NKIRAS1: variants seen among roughly 807,000 people sequenced by gnomAD.
The protein encoded by NKIRAS1 is NF-kappa-B inhibitor-interacting Ras-like protein 1.
NKIRAS1 carries 16 observed loss-of-function variants against 19.8 expected under a neutral mutation model. The observed-to-expected ratio is 0.81, with a 90% CI of 0.55 to 1.23. NKIRAS1 has a LOEUF of 1.23. Ranked by LOEUF, NKIRAS1 falls within the 50% of genes most tolerant of loss-of-function variation. The pLI is 0.00. For missense variants in NKIRAS1, 184 were observed against 220.0 expected, an observed-to-expected ratio of 0.84 and a Z score of 1.04; for synonymous variants, 88 against 79.0, an observed-to-expected ratio of 1.11 and a Z score of -0.61.
chr3:23,901,242 G>C (rs890712328), intron 3 of NKIRAS1, among the ~76,000 whole-genome samples, 193 bp from the exon 4 acceptor site: 1 of 148,324 alleles, frequency 6.7e-6, no homozygotes, highest in African/African-American at 2.5e-5. Context: ...GCAGTGGCTC[G>C]ATCTCAGCTC....
At chr3:23,912,837 C>T (rs1000005534) in intron 1 of NKIRAS1, among the ~76,000 whole-genome samples, 5 of 151,946 alleles carry the variant, frequency 3.3e-5, no homozygotes, top group East Asian at 1.9e-4. Flanking sequence ...ATGCCACATA[C>T]GTCGGGCGCG....
At chr3:23,910,739 T>G in intron 3 of NKIRAS1, 72 bp downstream of exon 3, 1 of 1,094,026 alleles carries the variant, frequency 9.1e-7, no homozygotes, top group Admixed American at 1.8e-5. Flanking sequence ...CCACCTTTAG[T>G]TTAGCATGAC....
chr3:23,946,362 C>A (rs1333117749), exon 1 of NKIRAS1: 3 of 930,378 alleles, frequency 3.2e-6, no homozygotes, highest in East Asian at 2.3e-4. Flanking sequence ...CGAGGGCGTG[C>A]TGCAGGCCGG....
At chr3:23,919,895 T>C (rs1325423388), upstream of NKIRAS1, 4 of 994,326 alleles carry the variant, frequency 4.0e-6, no homozygotes, top group Non-Finnish European at 3.6e-6. Context: ...GGCTGCGTTT[T>C]TTTTAGTTTG....
upstream of NKIRAS1, chr3:23,919,093 ACT>A (rs1268431389): frequency 1.6e-5 from 12 of 757,294 alleles, no homozygotes; most frequent in East Asian, 1.2e-4. Context: ...GTAGTAAAAG[ACT>A]CTTGTCTGGT....
At chr3:23,919,332 A>G (rs1198474970), upstream of NKIRAS1, 6 of 1,602,932 alleles carry the variant, frequency 3.7e-6, no homozygotes, top group Admixed American at 3.3e-5. Flanking sequence ...CCTGACACCC[A>G]GTGGATCACC....
Position 23,890,794 on chromosome 3 carries a change from T to C in NKIRAS1, c.*2301A>G, listed in dbSNP as rs1701398348. The stretch of plus-strand genomic sequence containing the variant: ...TTGCTACAGTAGACAGAATTGGTAA[T>C]AGCAACTTTTAAAATTGTCATTAGT... On this transcript the variant is annotated 3_prime_UTR_variant, in exon 5 of 5. Coordinates refer to ENST00000425478, the MANE Select transcript of NKIRAS1 (RefSeq NM_020345.4). The C allele has an allele frequency of 6.5e-6, 3 of 461,704 alleles. No homozygotes were observed. The highest frequency in any genetic ancestry group is 1.1e-4 in the South Asian group (2 of 18,760). The allele number at this position is 461,704 out of a possible 1,614,324, so 28.6% of individuals were successfully genotyped here. A position where few individuals can be genotyped will look rare whatever the true frequency, so the allele number is the denominator to read the frequency against.
intron 1 of NKIRAS1, chr3:23,946,041 G>A: frequency 1.1e-6 from 1 of 941,176 alleles, no homozygotes; most frequent in Non-Finnish European, 1.3e-6. Flanking sequence ...GCGCGCGCGC[G>A]CGCGCTGGCT....
chr3:23,936,082 C>CAAAAAAAAAAAAAAAAAAAAAAAAAAA (rs35945213), intron 1 of NKIRAS1, among the ~76,000 whole-genome samples: 1 of 63,908 alleles, frequency 1.6e-5, no homozygotes. Context: ...GACCCTGTCT[C>CAAAAAAAAAAAAAAAAAAAAAAAAAAA]AAAAAAAAAA....
At chr3:23,903,546 A>C (rs1352443749) in intron 3 of NKIRAS1, among the ~76,000 whole-genome samples, 1 of 152,176 alleles carries the variant, frequency 6.6e-6, no homozygotes, top group Non-Finnish European at 1.5e-5. Context: ...ACAAACAAAC[A>C]AAAAACTACC....
At chr3:23,918,400 T>G (rs1323013218), upstream of NKIRAS1, 3 of 1,603,160 alleles carry the variant, frequency 1.9e-6, no homozygotes, top group Non-Finnish European at 2.6e-6. Context: ...GCCTTACGGC[T>G]TCCTATAAAA....
rs1202017094 is a variant in NKIRAS1, at chr3:23,893,220, T to TA, written c.453dup (p.Thr152TyrfsTer8). On this transcript the variant is annotated frameshift_variant, in exon 5 of 5. Transcript: ENST00000425478. LOFTEE classifies it high-confidence loss of function. Reference sequence around the variant, plus strand: ...GGTTCAATCAGAGTTTTCCGATCTGTAACAGTCACCTCCCACAGTCTTACT... The same window carrying TA: ...GGTTCAATCAGAGTTTTCCGATCTGTAAACAGTCACCTCCCACAGTCTTACT... 6.2e-7 allele frequency: 1 copy of TA among 1,614,166 alleles called. No individual in the cohort carries two copies.
chr3:23,920,216 C>T (rs148622248), upstream of NKIRAS1: 58 of 985,854 alleles, frequency 5.9e-5, no homozygotes, highest in African/African-American at 8.2e-4. Flanking sequence ...CCCTAAAATA[C>T]TTAACCGTAA....
chr3:23,915,583 C>G (rs962305143), intron 1 of NKIRAS1, among the ~76,000 whole-genome samples: 6 of 152,142 alleles, frequency 3.9e-5, no homozygotes, highest in African/African-American at 1.4e-4. Context: ...TTAAAATGTA[C>G]GCCATATGAA....
chr3:23,920,088 A>C, upstream of NKIRAS1: 1 of 985,894 alleles, frequency 1.0e-6, no homozygotes, highest in African/African-American at 1.7e-5. Flanking sequence ...TTGAAGTTGA[A>C]TGTGCGATAA....
At position 23,891,124 on chromosome 3, in the gene NKIRAS1, A is replaced by AT. The variant is rs1272086989; in HGVS notation, c.*1970dup. On this transcript the variant is annotated 3_prime_UTR_variant, in exon 5 of 5. Transcript: ENST00000425478. The stretch of plus-strand genomic sequence containing the variant: ...AGATGAGTAGTGCGTTTTATTTTAT[A>AT]TGCCAATCTACTTTGTTTAAAAAAG... 1 of 152,652 alleles carries AT rather than the reference A, an allele frequency of 6.6e-6. No individual in the cohort carries two copies. Among genetic ancestry groups the AT allele is most frequent in the Admixed American group, 6.5e-5 (1 of 15,282 alleles). 9.5% of individuals were successfully genotyped at this position (152,652 alleles called of 1,614,324 possible). A position where few individuals can be genotyped will look rare whatever the true frequency, so the allele number is the denominator to read the frequency against.
At chr3:23,941,094 C>T (rs577952941) in intron 1 of NKIRAS1, among the ~76,000 whole-genome samples, 1 of 152,316 alleles carries the variant, frequency 6.6e-6, no homozygotes, top group South Asian at 2.1e-4. Context: ...TCATCTAGGG[C>T]ATAGAAAAGG....
chr3:23,927,914 A>T lies in NKIRAS1; in HGVS notation c.-139-16464T>A, dbSNP rs1705236856. 6.6e-6 allele frequency among the ~76,000 whole-genome samples: 1 copy of T among 152,068 alleles called. No individual in the cohort carries two copies. Among genetic ancestry groups the T allele is most frequent in the African/African-American group, 2.4e-5 (1 of 41,382 alleles). The stretch of plus-strand genomic sequence containing the variant: ...GGCAACATGGTGAGATCCTGTCTCT[A>T]CAAAAGATTAAACAATTAGCCTGGT... On this transcript the variant is annotated intron_variant, in intron 1 of 4. Transcript: ENST00000421515. This position sits in a 1 kb window ranked among gnomAD's most constrained non-coding sequence, Gnocchi z 4.0.
intron 4 of NKIRAS1, 106 bp from the exon 5 acceptor site, chr3:23,893,443 A>G (rs1017226422): frequency 7.9e-6 from 7 of 889,648 alleles, no homozygotes; most frequent in Middle Eastern, 2.3e-4. Context: ...AACCTGCTTC[A>G]TTAAACTGAT....
Sources: allele counts gnomAD v4.1 joint callset (sites outside exome capture counted in the v4.1 genomes callset), GRCh38; gene constraint gnomAD v4.1.1; non-coding constraint Gnocchi (gnomAD v3.1); transcripts MANE v1.5; gene names NCBI Gene and HGNC (gene_info 2026-07-23, HGNC 2026-07-21).